FSTL4: variants seen among roughly 807,000 people sequenced by gnomAD.
FSTL4 encodes follistatin-related protein 4.
A neutral mutation model predicts 78.2 loss-of-function variants in FSTL4; 28 were observed. The observed-to-expected ratio is 0.36, with a 90% CI of 0.27 to 0.49. The LOEUF is 0.49. FSTL4 is among the 20% of genes least tolerant of loss of function. The probability of loss-of-function intolerance (pLI) is 0.98; values close to 1 mark genes in which losing one functional copy is unlikely to be tolerated. For missense variants in FSTL4, 922 were observed against 1,084.9 expected, an observed-to-expected ratio of 0.85 and a Z score of 2.11; for synonymous variants, 422 against 440.5, an observed-to-expected ratio of 0.96 and a Z score of 0.53.
At chr5:133,778,350 A>C in the FSTL4 span, among the ~76,000 whole-genome samples, 1 of 152,210 alleles carries the variant, frequency 6.6e-6, no homozygotes, top group Non-Finnish European at 1.5e-5. Flanking sequence ...CTAAAAAAAA[A>C]AATGTCCCTT....
At chr5:133,749,881 G>A in the FSTL4 span, among the ~76,000 whole-genome samples, 1 of 152,200 alleles carries the variant, frequency 6.6e-6, no homozygotes, top group Non-Finnish European at 1.5e-5. Context: ...AAATGTTTAA[G>A]CCAGGTATTA....
At chr5:133,271,244 T>G (rs1167071491) in intron 6 of FSTL4, among the ~76,000 whole-genome samples, 1 of 152,236 alleles carries the variant, frequency 6.6e-6, no homozygotes, top group Non-Finnish European at 1.5e-5. Context: ...TAGTGCTTTA[T>G]CTGGGACTTT....
intron 11 of FSTL4, among the ~76,000 whole-genome samples, chr5:133,223,771 C>T (rs996898401): frequency 7.9e-5 from 12 of 152,178 alleles, no homozygotes; most frequent in African/African-American, 7.2e-5. Flanking sequence ...CTTTTTTCCT[C>T]GGGTTTTCCT....
rs187700486 is a variant in FSTL4 at position 133,215,154 on chromosome 5, C to T, written c.1608+2075G>A. 3.0e-4 allele frequency among the ~76,000 whole-genome samples: 46 copies of T among 152,242 alleles called. No individual in the cohort carries two copies. The East Asian group carries it at 7.7e-3, about 26-fold the overall frequency. On this transcript the variant is annotated intron_variant, in intron 13 of 15. Coordinates refer to ENST00000265342, the MANE Select transcript of FSTL4 (RefSeq NM_015082.2). ...ATCACAGCACAACTCCCTTGAAACA[C>T]ACTCTTCTTTTAGCTTCAAGAATAT...
chr5:133,455,438 C>T (rs184177337), intron 3 of FSTL4, among the ~76,000 whole-genome samples: 47 of 151,926 alleles, frequency 3.1e-4, no homozygotes, highest in African/African-American at 8.7e-4. Flanking sequence ...CAACTGCTAC[C>T]GATAACACAG....
the FSTL4 span, among the ~76,000 whole-genome samples, chr5:133,743,889 C>T: frequency 6.6e-6 from 1 of 152,222 alleles, no homozygotes; most frequent in African/African-American, 2.4e-5. Context: ...AGTCAGGTGA[C>T]CCCAGCCAGT....
the FSTL4 span, among the ~76,000 whole-genome samples, chr5:133,621,176 G>A: frequency 6.6e-6 from 1 of 152,106 alleles, no homozygotes; most frequent in Admixed American, 6.5e-5. Context: ...CGAGGTGGGC[G>A]GATCACGAGG....
intron 6 of FSTL4, among the ~76,000 whole-genome samples, chr5:133,311,057 C>T (rs1317627617): frequency 6.6e-6 from 1 of 152,116 alleles, no homozygotes; most frequent in Non-Finnish European, 1.5e-5. Context: ...TTTTTGGTAG[C>T]ATATGTGTGG....
intron 2 of FSTL4, among the ~76,000 whole-genome samples, chr5:133,591,351 C>T (rs942563827): frequency 6.6e-6 from 1 of 152,190 alleles, no homozygotes; most frequent in African/African-American, 2.4e-5. Flanking sequence ...CTGCCAGGGC[C>T]AACCCCTGCT....
intron 2 of FSTL4, among the ~76,000 whole-genome samples, chr5:133,598,396 A>G (rs1414637376): frequency 6.6e-6 from 1 of 151,996 alleles, no homozygotes; most frequent in African/African-American, 2.4e-5. Flanking sequence ...TTGCATCTCA[A>G]GAGGTGCTGG....
chr5:133,444,062 C>T (rs950507539), intron 3 of FSTL4, among the ~76,000 whole-genome samples: 1 of 152,216 alleles, frequency 6.6e-6, no homozygotes, highest in African/African-American at 2.4e-5. Flanking sequence ...CCCACCATGG[C>T]ACATGGAGGG....
the FSTL4 span, among the ~76,000 whole-genome samples, chr5:133,640,659 A>G: frequency 6.6e-6 from 1 of 152,176 alleles, no homozygotes; most frequent in Non-Finnish European, 1.5e-5. Flanking sequence ...ACTGCTTCCA[A>G]TTTGATACTG....
At chr5:133,345,389 G>T (rs1310773617) in intron 4 of FSTL4, among the ~76,000 whole-genome samples, 3 of 152,140 alleles carry the variant, frequency 2.0e-5, no homozygotes, top group South Asian at 2.1e-4. Flanking sequence ...TCACTCTGAT[G>T]ATAGTTTCTT....
the FSTL4 span, among the ~76,000 whole-genome samples, chr5:133,774,824 AC>A: frequency 6.6e-6 from 1 of 152,186 alleles, no homozygotes; most frequent in Non-Finnish European, 1.5e-5. Context: ...GGCTAATTGT[AC>A]CTTTTGAGCA....
chr5:133,560,163 C>T (rs545615912), intron 3 of FSTL4, among the ~76,000 whole-genome samples: 22 of 152,298 alleles, frequency 1.4e-4, no homozygotes, highest in African/African-American at 4.6e-4. Flanking sequence ...AGGTGAGTGG[C>T]GCTGTGGCTC....
chr5:133,683,439 T>A, the FSTL4 span, among the ~76,000 whole-genome samples: 1 of 152,188 alleles, frequency 6.6e-6, no homozygotes, highest in Non-Finnish European at 1.5e-5. Flanking sequence ...TACACAGTAG[T>A]TAAATTAATG....
chr5:133,652,664 T>C, the FSTL4 span, among the ~76,000 whole-genome samples: 1 of 152,178 alleles, frequency 6.6e-6, no homozygotes, highest in Admixed American at 6.5e-5. Flanking sequence ...TTAAGGTGTG[T>C]TTTATGGCCC....
intron 2 of FSTL4, among the ~76,000 whole-genome samples, chr5:133,572,383 AC>A (rs1353545650): frequency 6.6e-6 from 1 of 152,166 alleles, no homozygotes; most frequent in Non-Finnish European, 1.5e-5. Context: ...TAAGCATAGT[AC>A]CCACCATCTT....
chr5:133,508,721 C>T (rs558111081), intron 3 of FSTL4, among the ~76,000 whole-genome samples: 4 of 152,326 alleles, frequency 2.6e-5, no homozygotes, highest in African/African-American at 9.6e-5. Context: ...ATTTTAGTAT[C>T]TGTGGAAGTC....
Sources: gnomAD v4.1 joint callset for allele counts (sites outside exome capture counted in the v4.1 genomes callset) on GRCh38, gnomAD v4.1.1 for gene constraint, MANE v1.5 for transcripts, NCBI Gene and HGNC (gene_info 2026-07-23, HGNC 2026-07-21) for gene names.